The following DPYD variants were observed in gnomAD, a reference collection of about 807,000 sequenced individuals.
DPYD encodes the protein dihydropyrimidine dehydrogenase.
In DPYD, 109 loss-of-function variants were observed where a neutral mutation model predicts 116.2. The observed-to-expected ratio is 0.94, with a 90% confidence interval of 0.80 to 1.10. The LOEUF (loss-of-function observed/expected upper bound fraction) is 1.10, where lower values mean the gene tolerates loss of function less well. Among genes scored for constraint, DPYD ranks in the 50% least tolerant of loss-of-function variants. The probability of loss-of-function intolerance (pLI) is 0.00; values close to 1 mark genes in which losing one functional copy is unlikely to be tolerated. For synonymous variants in DPYD, 440 were observed against 432.0 expected (o/e 1.02, Z -0.23); for missense variants, 1,302 against 1,254.5 (o/e 1.04, Z -0.57).
intron 18 of DPYD, among the ~76,000 whole-genome samples, chr1:97,304,866 G>A (rs967227615): frequency 6.6e-6 from 1 of 151,888 alleles, no homozygotes; most frequent in East Asian, 1.9e-4. Context: ...TTTTGAAGAA[G>A]GTAGATGTCT....
At chr1:97,488,189 A>G (rs1028428186) in intron 13 of DPYD, among the ~76,000 whole-genome samples, 1 of 152,168 alleles carries the variant, frequency 6.6e-6, no homozygotes, top group East Asian at 1.9e-4. Flanking sequence ...AAAAGATTAC[A>G]CTTGTATAAA....
At chr1:97,686,461 C>A (rs1332831180) in intron 7 of DPYD, among the ~76,000 whole-genome samples, 4 of 151,168 alleles carry the variant, frequency 2.6e-5, no homozygotes, top group Non-Finnish European at 5.9e-5. Context: ...ACGGTGAAAC[C>A]CCGTCTCTAC....
chr1:97,082,516 T>C (rs1649230514), intron 21 of DPYD, 46 bp from the exon 22 acceptor site: 8 of 1,604,720 alleles, frequency 5.0e-6, no homozygotes, highest in Non-Finnish European at 6.8e-6. Context: ...TTTAAAACAT[T>C]TTCATGTAAT....
intron 11 of DPYD, among the ~76,000 whole-genome samples, chr1:97,571,355 T>C (rs2102173072): frequency 6.6e-6 from 1 of 152,134 alleles, no homozygotes; most frequent in East Asian, 1.9e-4. Context: ...AGATAATGTA[T>C]TACTACGCTT....
At chr1:97,590,629 A>C (rs1654440388) in intron 10 of DPYD, among the ~76,000 whole-genome samples, 1 of 152,228 alleles carries the variant, frequency 6.6e-6, no homozygotes. Flanking sequence ...GACCAGACCC[A>C]TTTGAGTTCT....
intron 12 of DPYD, among the ~76,000 whole-genome samples, chr1:97,526,568 A>C (rs1324471373): frequency 6.6e-6 from 1 of 152,222 alleles, no homozygotes; most frequent in Non-Finnish European, 1.5e-5. Flanking sequence ...GGATGAGGTC[A>C]CTTCTCCAGT....
intron 1 of DPYD, 89 bp downstream of exon 1, chr1:97,920,795 G>T: frequency 1.3e-6 from 2 of 1,512,010 alleles, no homozygotes; most frequent in Non-Finnish European, 9.0e-7. Context: ...TCTCCGGGGT[G>T]CGGGGGCCGC....
At chr1:97,458,537 C>T (rs992026816) in intron 13 of DPYD, among the ~76,000 whole-genome samples, 11 of 152,130 alleles carry the variant, frequency 7.2e-5, no homozygotes, top group African/African-American at 1.4e-4. Flanking sequence ...TCAAGGTTTT[C>T]GCCCATCCCT....
intron 2 of DPYD, among the ~76,000 whole-genome samples, chr1:97,843,064 T>C (rs1402868398): frequency 6.6e-6 from 1 of 152,128 alleles, no homozygotes; most frequent in Non-Finnish European, 1.5e-5. Context: ...CCCACTCTTC[T>C]AGTCTCAAGC....
chr1:97,305,403 C>T (rs2101037120), intron 17 of DPYD, 25 bp from the exon 18 acceptor site: 2 of 1,611,750 alleles, frequency 1.2e-6, no homozygotes, highest in Non-Finnish European at 1.7e-6. Flanking sequence ...TCAACATTTT[C>T]ATGCAGCTCT....
At chr1:97,258,008 T>C (rs1445838180) in intron 18 of DPYD, among the ~76,000 whole-genome samples, 1 of 152,102 alleles carries the variant, frequency 6.6e-6, no homozygotes, top group Admixed American at 6.6e-5. Context: ...ACTAGCATTT[T>C]GAATGCAGAG....
At chr1:97,375,329 C>T (rs986942639) in intron 15 of DPYD, among the ~76,000 whole-genome samples, 1 of 151,982 alleles carries the variant, frequency 6.6e-6, no homozygotes, top group African/African-American at 2.4e-5. Flanking sequence ...CCTATTTTTT[C>T]CTGCTTTGTG....
At chr1:97,226,021 A>G (rs1234505091) in intron 19 of DPYD, among the ~76,000 whole-genome samples, 2 of 152,144 alleles carry the variant, frequency 1.3e-5, no homozygotes, top group African/African-American at 2.4e-5. Flanking sequence ...ATTCAACAGC[A>G]CATTAAAAGA....
intron 3 of DPYD, among the ~76,000 whole-genome samples, chr1:97,827,356 A>G (rs17117249): frequency 0.053 from 8,079 of 152,156 alleles, 724 homozygotes; most frequent in African/African-American, 0.18. Context: ...ATGCTACTCA[A>G]ATATTCAAGC....
Position 97,721,637 on chromosome 1 carries a change from T to C in DPYD, c.356A>G (p.Asp119Gly). The change falls in exon 5 of 23, where the codon GAC becomes GGC. Residue 119 changes from aspartate to glycine, a missense_variant. By Grantham distance (94) the Asp-to-Gly change is moderately conservative. Transcript: ENST00000370192. The part of the protein sequence containing the change: ...YYGAAKMIFS[D>G]NPLGLTCGMV... ...TCCACAAGTCAGACCAAGTGGGTTG[T>C]CAGAAAATATCATCTTAGCAGCTCC... 6.2e-7 allele frequency: 1 copy of C among 1,611,454 alleles called. No individual in the cohort carries two copies. Among genetic ancestry groups the C allele is most frequent in the Non-Finnish European group, 8.5e-7 (1 of 1,178,186 alleles).
intron 8 of DPYD, among the ~76,000 whole-genome samples, chr1:97,616,898 T>C (rs1656309931): frequency 6.6e-6 from 1 of 152,180 alleles, no homozygotes; most frequent in Non-Finnish European, 1.5e-5. Context: ...TTTATTTCTT[T>C]TTTTTTGAGA....
chr1:97,494,460 G>T (rs955605342), intron 13 of DPYD, among the ~76,000 whole-genome samples: 2 of 152,208 alleles, frequency 1.3e-5, no homozygotes, highest in African/African-American at 4.8e-5. Flanking sequence ...GTTAGTGGCA[G>T]ATTTGCAATT....
rs189416617 is a variant in DPYD, at chr1:97,197,094, A to G, written c.2443-3846T>C. Among the ~76,000 whole-genome samples, 7 of 152,336 alleles carry G rather than the reference A, an allele frequency of 4.6e-5. No homozygotes were observed. In the East Asian group the frequency reaches 1.4e-3, roughly 29 times the overall value. On this transcript the variant is annotated intron_variant, in intron 19 of 22. Coordinates refer to ENST00000370192, the MANE Select transcript of DPYD (RefSeq NM_000110.4). ...GTTAGTACAATGTAGAAAAGAGTAT[A>G]GAATAACTACTAAATATGAACAAGA...
At chr1:97,167,610 G>T (rs960856964) in intron 20 of DPYD, among the ~76,000 whole-genome samples, 1 of 152,154 alleles carries the variant, frequency 6.6e-6, no homozygotes, top group African/African-American at 2.4e-5. Flanking sequence ...TATTGGGAAA[G>T]AAATGCATTT....
Sources: gnomAD v4.1 joint callset for allele counts (sites outside exome capture counted in the v4.1 genomes callset) on GRCh38, gnomAD v4.1.1 for gene constraint, MANE v1.5 for transcripts, NCBI Gene and HGNC (gene_info 2026-07-23, HGNC 2026-07-21) for gene names.